The following SORT1 variants were observed in gnomAD, a reference collection of about 807,000 sequenced individuals.
SORT1 encodes sortilin.
In SORT1, 39 loss-of-function variants were observed where a neutral mutation model predicts 101.7. The ratio of observed to expected loss-of-function variants is 0.38; its 90% CI spans 0.30 to 0.50. SORT1 has a LOEUF of 0.50. SORT1 is among the 20% of genes least tolerant of loss of function. The pLI, the probability that SORT1 is intolerant of heterozygous loss-of-function variation, is 0.90. For synonymous variants in SORT1, 396 were observed against 393.7 expected (o/e 1.01, Z -0.07); for missense variants, 878 against 1,040.4 (o/e 0.84, Z 2.15).
rs1648111443 is a variant in SORT1, at chr1:109,326,816, CAA to C, written c.1643+174_1643+175del. The C allele has an allele frequency of 6.2e-6, 3 of 484,848 alleles. No individual in the cohort carries two copies. In the East Asian group the frequency reaches 9.6e-5, roughly 15 times the overall value. 30.0% of individuals were successfully genotyped at this position (484,848 alleles called of 1,614,324 possible). A position where few individuals can be genotyped will look rare whatever the true frequency, so the allele number is the denominator to read the frequency against. ...AGCTAAAGGCAGTCAGAAGAAAAAA[CAA>C]TGCCATTTAATCTGAGTTGCCAATT... On this transcript the variant is annotated intron_variant, in intron 13 of 19. Transcript: ENST00000256637.
chr1:109,362,030 G>A (rs549192585), intron 3 of SORT1, among the ~76,000 whole-genome samples: 21 of 152,214 alleles, frequency 1.4e-4, no homozygotes, highest in Non-Finnish European at 2.9e-4. Flanking sequence ...GTGTCAACAA[G>A]CTGTTTAGTG....
chr1:109,383,766 T>C (rs867669419), intron 1 of SORT1, among the ~76,000 whole-genome samples: 1 of 152,114 alleles, frequency 6.6e-6, no homozygotes, highest in Non-Finnish European at 1.5e-5. Context: ...GAGCCAGAAA[T>C]AAGATCACAA....
intron 1 of SORT1, among the ~76,000 whole-genome samples, chr1:109,373,327 A>G (rs1651614256): frequency 6.6e-6 from 1 of 152,142 alleles, no homozygotes; most frequent in African/African-American, 2.4e-5. Flanking sequence ...CACAGGGCAG[A>G]AGATTAGAGA....
At chr1:109,367,510 TA>T in intron 2 of SORT1, 29 bp from the exon 3 acceptor site, 1 of 1,370,596 alleles carries the variant, frequency 7.3e-7, no homozygotes, top group Non-Finnish European at 1.0e-6. Context: ...ATTCCGTAAA[TA>T]AAAAAGATAT....
chr1:109,323,451 C>T lies in SORT1; in HGVS notation c.1835-330G>A, dbSNP rs146455297. Among the ~76,000 whole-genome samples the T allele has an allele frequency of 3.9e-4, 60 of 152,346 alleles. 1 individual carries two copies. The highest frequency in any genetic ancestry group is 1.2e-3 in the South Asian group (6 of 4,832). ...CTGCTGTGTGTGTCTTGCACACCTA[C>T]GCCCTCAGTCAGTAGGAGCTGTCAG... is the stretch of plus-strand genomic sequence containing the variant. On this transcript the variant is annotated intron_variant, in intron 14 of 19. Coordinates refer to ENST00000256637, the MANE Select transcript of SORT1 (RefSeq NM_002959.7).
At chr1:109,331,771 T>C (rs1487478795) in intron 11 of SORT1, among the ~76,000 whole-genome samples, 1 of 152,034 alleles carries the variant, frequency 6.6e-6, no homozygotes, top group African/African-American at 2.4e-5. Context: ...CATGAGCTTA[T>C]ATATAAAAAT....
intron 1 of SORT1, among the ~76,000 whole-genome samples, chr1:109,385,337 T>C (rs1403460194): frequency 6.6e-6 from 1 of 152,182 alleles, no homozygotes; most frequent in Non-Finnish European, 1.5e-5. Flanking sequence ...AGGCTCATAC[T>C]GTTGACCAAG....
intron 1 of SORT1, among the ~76,000 whole-genome samples, chr1:109,381,383 C>T (rs1488826617): frequency 1.3e-5 from 2 of 151,432 alleles, no homozygotes; most frequent in African/African-American, 2.4e-5. Flanking sequence ...TTATGCCATA[C>T]AACAATATAT....
At chr1:109,345,085 C>T (rs113096492) in intron 8 of SORT1, among the ~76,000 whole-genome samples, 65 of 152,274 alleles carry the variant, frequency 4.3e-4, no homozygotes, top group African/African-American at 1.4e-3. Flanking sequence ...CTGCCATATT[C>T]CTGGGACTTA....
chr1:109,392,655 C>G, intron 1 of SORT1: 8 of 985,078 alleles, frequency 8.1e-6, no homozygotes, highest in Non-Finnish European at 8.4e-6. Flanking sequence ...CTACTCTCAT[C>G]CCAACCAAAC....
At chr1:109,342,968 A>T (rs537041904) in intron 8 of SORT1, among the ~76,000 whole-genome samples, 65 of 152,278 alleles carry the variant, frequency 4.3e-4, no homozygotes, top group African/African-American at 1.5e-3. Flanking sequence ...AACATGTCTC[A>T]TTACTTTGAA....
At chr1:109,393,604 C>A (rs962651788) in intron 1 of SORT1, among the ~76,000 whole-genome samples, 1 of 152,152 alleles carries the variant, frequency 6.6e-6, no homozygotes, top group Non-Finnish European at 1.5e-5. Context: ...GTCATGAATA[C>A]TCCAAGCAGC....
intron 15 of SORT1, among the ~76,000 whole-genome samples, chr1:109,319,191 C>T (rs1157583769): frequency 6.6e-6 from 1 of 152,198 alleles, no homozygotes; most frequent in Non-Finnish European, 1.5e-5. Flanking sequence ...TAGTCTTTGC[C>T]TTCCATGTGA....
intron 1 of SORT1, among the ~76,000 whole-genome samples, chr1:109,372,639 C>T (rs1337115904): frequency 1.3e-5 from 2 of 152,118 alleles, no homozygotes; most frequent in Non-Finnish European, 2.9e-5. Flanking sequence ...ACAGAATGGG[C>T]CGGGCGCGGT....
chr1:109,396,492 C>T (rs1180397534), intron 1 of SORT1, among the ~76,000 whole-genome samples: 2 of 152,168 alleles, frequency 1.3e-5, no homozygotes, highest in Admixed American at 6.5e-5. Flanking sequence ...AGCTGCTGCT[C>T]GGGATACACT....
rs934973244 is a variant in SORT1 at position 109,311,473 on chromosome 1, T to C, written c.*2570A>G. On this transcript the variant is annotated 3_prime_UTR_variant, in exon 20 of 20. Transcript: ENST00000256637. The stretch of plus-strand genomic sequence containing the variant: ...GGGCACACATTTGTGAGTGAGCAGG[T>C]TGATAAAGAAAGCTAACTAGCCAAT... The C allele has an allele frequency of 5.3e-5, 8 of 152,310 alleles. No homozygotes were observed. The highest frequency in any genetic ancestry group is 1.9e-4 in the African/African-American group (8 of 41,562). The allele number at this position is 152,310 out of a possible 1,614,324, so 9.4% of individuals were successfully genotyped here.
At chr1:109,327,708 G>C in intron 11 of SORT1, 107 bp from the exon 12 acceptor site, 1 of 608,856 alleles carries the variant, frequency 1.6e-6, no homozygotes, top group Non-Finnish European at 2.8e-6. Context: ...CCCAGACCTA[G>C]GTAAAAGTAC....
rs539491522 is a variant in SORT1 at position 109,369,164 on chromosome 1, T to C, written c.366+366A>G. 3.9e-5 allele frequency among the ~76,000 whole-genome samples: 6 copies of C among 152,068 alleles called. No individual in the cohort carries two copies. In the South Asian group the frequency reaches 1.2e-3, roughly 32 times the overall value. ...GGTGAAACCTCATCTTCACTAAAAA[T>C]ACAAAAAATCAGCTGTGCATGGTGG... On this transcript the variant is annotated intron_variant, in intron 2 of 19. Transcript: ENST00000256637.
intron 8 of SORT1, among the ~76,000 whole-genome samples, chr1:109,344,924 T>G (rs1649478405): frequency 6.6e-6 from 1 of 152,120 alleles, no homozygotes. Context: ...CTTGAATTCC[T>G]GGGCTCAAGG....
Sources: gnomAD v4.1 joint callset for allele counts (sites outside exome capture counted in the v4.1 genomes callset) on GRCh38, gnomAD v4.1.1 for gene constraint, MANE v1.5 for transcripts, NCBI Gene and HGNC (gene_info 2026-07-23, HGNC 2026-07-21) for gene names.